ITIH5: variants seen among roughly 807,000 people sequenced by gnomAD.
The protein encoded by ITIH5 is inter-alpha-trypsin inhibitor heavy chain 5.
In ITIH5, 65 loss-of-function variants were observed where a neutral mutation model predicts 77.5. The observed-to-expected ratio is 0.84, with a 90% CI of 0.69 to 1.03. The LOEUF (loss-of-function observed/expected upper bound fraction) is 1.03, where lower values mean the gene tolerates loss of function less well. Among genes scored for constraint, ITIH5 ranks in the 50% least tolerant of loss-of-function variants. ITIH5 has a pLI of 0.00. For missense variants in ITIH5, 1,208 were observed against 1,213.1 expected, an observed-to-expected ratio of 1.00 and a Z score of 0.06; for synonymous variants, 525 against 494.3, an observed-to-expected ratio of 1.06 and a Z score of -0.82.
intron 1 of ITIH5, among the ~76,000 whole-genome samples, chr10:7,660,056 T>C (rs1427749435): frequency 1.3e-5 from 2 of 152,176 alleles, no homozygotes; most frequent in East Asian, 1.9e-4. Flanking sequence ...ACTTAAGAGA[T>C]GGTGCTACCC....
intron 3 of ITIH5, among the ~76,000 whole-genome samples, chr10:7,641,704 G>GGGAGAGAGGGAGGGAA (rs1833891766): frequency 7.6e-6 from 1 of 131,344 alleles, no homozygotes; most frequent in South Asian, 3.0e-4. Context: ...GAGGGAGGGA[G>GGGAGAGAGGGAGGGAA]GGAGAGAGGG....
At chr10:7,573,362 T>C (rs769288646) in intron 10 of ITIH5, among the ~76,000 whole-genome samples, 167 bp from the exon 11 acceptor site, 5 of 151,542 alleles carry the variant, frequency 3.3e-5, no homozygotes, top group Non-Finnish European at 7.4e-5. Flanking sequence ...AAAAGGGAGC[T>C]TGGCCTCAAA....
chr10:7,637,374 T>C lies in ITIH5; in HGVS notation c.506A>G (p.Lys169Arg). ...YEELLQRRLG[K>R]YEHSISVRPQ... ...CCGCACGCTGATGCTGTGCTCGTACTTGCCCAGGCGCCTCTGCAGAAGCTC... is the reference window on the plus strand; with the variant it reads ...CCGCACGCTGATGCTGTGCTCGTACCTGCCCAGGCGCCTCTGCAGAAGCTC... Residue 169 changes from lysine (K) to arginine (R), a missense_variant, in exon 5 of 14, where the codon AAG becomes AGG. Physicochemically the swap from Lys to Arg is conservative, Grantham distance 26. Coordinates refer to ENST00000397146, the MANE Select transcript of ITIH5 (RefSeq NM_030569.7). The C allele has an allele frequency of 1.2e-6, 2 of 1,614,206 alleles. No homozygotes were observed. Among genetic ancestry groups the C allele is most frequent in the Non-Finnish European group, 1.7e-6 (2 of 1,180,036 alleles).
intron 5 of ITIH5, among the ~76,000 whole-genome samples, chr10:7,634,415 GA>G (rs1010041789): frequency 3.9e-5 from 6 of 152,174 alleles, no homozygotes; most frequent in Non-Finnish European, 8.8e-5. Context: ...AGCAAAAAGG[GA>G]ATCCGTCCAC....
At chr10:7,601,194 G>A (rs764043194) in intron 7 of ITIH5, among the ~76,000 whole-genome samples, 12 of 152,164 alleles carry the variant, frequency 7.9e-5, no homozygotes, top group Non-Finnish European at 1.5e-4. Flanking sequence ...GTAGAAATGT[G>A]CATCATGACC....
chr10:7,637,361 G>T lies in ITIH5; in HGVS notation c.519C>A (p.Ser173Arg), dbSNP rs1833817528. The change falls in exon 5 of 14, where the codon AGC (serine) becomes AGA (arginine). Residue 173 changes from serine to arginine, a missense_variant. Transcript: ENST00000397146. ...LQRRLGKYEH[S>R]ISVRPQQLSG... Reference sequence around the variant, plus strand: ...ACAGCTGCTGGGGCCGCACGCTGATGCTGTGCTCGTACTTGCCCAGGCGCC... The same window carrying T: ...ACAGCTGCTGGGGCCGCACGCTGATTCTGTGCTCGTACTTGCCCAGGCGCC... The T allele has an allele frequency of 1.2e-6, 2 of 1,614,094 alleles. No individual in the cohort carries two copies. The highest frequency in any genetic ancestry group is 1.7e-5 in the Admixed American group (1 of 60,014).
chr10:7,597,063 A>AAAAAAAAAAAAAAT (rs750714870), intron 7 of ITIH5, among the ~76,000 whole-genome samples: 2 of 142,748 alleles, frequency 1.4e-5, no homozygotes, highest in Non-Finnish European at 3.1e-5. Context: ...AAAAAAAAAA[A>AAAAAAAAAAAAAAT]ATTCCACCAA....
At chr10:7,569,830 C>A in intron 11 of ITIH5, 46 bp from the exon 12 acceptor site, 1 of 1,139,078 alleles carries the variant, frequency 8.8e-7, no homozygotes, top group South Asian at 1.5e-5. Flanking sequence ...GACACTTATT[C>A]AGTACCTTCC....
intron 1 of ITIH5, among the ~76,000 whole-genome samples, chr10:7,656,350 G>A (rs923517023): frequency 2.0e-5 from 3 of 152,132 alleles, no homozygotes; most frequent in African/African-American, 7.2e-5. Context: ...AAGCAGCTGG[G>A]ACTACAGGCA....
chr10:7,659,503 A>G (rs1423091968), intron 1 of ITIH5, among the ~76,000 whole-genome samples: 1 of 152,230 alleles, frequency 6.6e-6, no homozygotes, highest in African/African-American at 2.4e-5. Flanking sequence ...TCAGTCTTGC[A>G]TGATCATCTC....
At chr10:7,639,686 A>G (rs1353508904) in intron 4 of ITIH5, among the ~76,000 whole-genome samples, 6 of 152,338 alleles carry the variant, frequency 3.9e-5, no homozygotes, top group Non-Finnish European at 7.3e-5. Flanking sequence ...GTGAAGAGGA[A>G]AAAATAATCT....
chr10:7,568,723 G>A (rs534986350), intron 12 of ITIH5, among the ~76,000 whole-genome samples: 1 of 152,308 alleles, frequency 6.6e-6, no homozygotes, highest in South Asian at 2.1e-4. Flanking sequence ...TCACAGAGCT[G>A]GACATGGTTT....
chr10:7,632,762 A>T (rs971346910), intron 5 of ITIH5, among the ~76,000 whole-genome samples: 1 of 152,156 alleles, frequency 6.6e-6, no homozygotes, highest in Non-Finnish European at 1.5e-5. Context: ...GTTACTAGAG[A>T]GTATAGTCAG....
At chr10:7,574,779 C>T (rs953187751) in intron 10 of ITIH5, among the ~76,000 whole-genome samples, 12 of 127,554 alleles carry the variant, frequency 9.4e-5, no homozygotes, top group Non-Finnish European at 1.7e-4. Flanking sequence ...GGCGAAAGAG[C>T]GAGACTCCAT....
intron 1 of ITIH5, among the ~76,000 whole-genome samples, chr10:7,660,773 GCA>G (rs1834264293): frequency 1.3e-5 from 2 of 152,218 alleles, no homozygotes; most frequent in Admixed American, 6.5e-5. Context: ...TAATTCTTGA[GCA>G]CAGACACTCC....
intron 5 of ITIH5, among the ~76,000 whole-genome samples, chr10:7,634,829 T>C (rs1833774375): frequency 1.3e-5 from 2 of 152,160 alleles, no homozygotes; most frequent in African/African-American, 4.8e-5. Flanking sequence ...TACGAGATCC[T>C]GACAACTCTG....
At chr10:7,653,211 A>G in intron 2 of ITIH5, among the ~76,000 whole-genome samples, 1 of 152,170 alleles carries the variant, frequency 6.6e-6, no homozygotes, top group African/African-American at 2.4e-5. Flanking sequence ...TCTATCAAAA[A>G]AAAGGTTGTT....
chr10:7,640,833 G>A lies in ITIH5; in HGVS notation c.322C>T (p.Gln108Ter), dbSNP rs760899039. The change falls in exon 4 of 14, where the codon CAG becomes TAG. Residue 108 changes from glutamine (Q) to a stop codon, truncating the protein, a stop_gained. Transcript: ENST00000397146. LOFTEE classifies it high-confidence loss of function. Reference protein sequence around the residue: ...FTMLIGDKVYQGEITEREKKS... With the variant: ...FTMLIGDKVY ...TTTTCTCTCTCTGTAATTTCGCCCT[G>A]ATACACCTTGTCTCCAATAAGCCTG... is the stretch of plus-strand genomic sequence containing the variant. 6 of 1,612,340 alleles carry A rather than the reference G, an allele frequency of 3.7e-6. No individual in the cohort carries two copies. The highest frequency in any genetic ancestry group is 5.1e-6 in the Non-Finnish European group (6 of 1,178,582).
At chr10:7,627,331 A>T (rs12245542) in intron 5 of ITIH5, among the ~76,000 whole-genome samples, 8 of 9,014 alleles carry the variant, frequency 8.9e-4, no homozygotes, top group East Asian at 6.3e-3. Context: ...AAGATAAAGT[A>T]AAAAAAAAAA....
Sources: allele counts gnomAD v4.1 joint callset (sites outside exome capture counted in the v4.1 genomes callset), GRCh38; gene constraint gnomAD v4.1.1; transcripts MANE v1.5; gene names NCBI Gene and HGNC (gene_info 2026-07-23, HGNC 2026-07-21).